Variants in PIK3C3 observed in about 807,000 individuals in gnomAD.
PIK3C3 encodes phosphatidylinositol 3-kinase catalytic subunit type 3.
PIK3C3 carries 95 observed loss-of-function variants against 126.1 expected under a neutral mutation model. The observed-to-expected ratio is 0.75, with a 90% CI of 0.64 to 0.89. The LOEUF (loss-of-function observed/expected upper bound fraction) is 0.89. Ranked by LOEUF, PIK3C3 falls within the 40% of genes least tolerant of loss-of-function variation. PIK3C3 has a pLI of 0.00. For synonymous variants in PIK3C3, 374 were observed against 360.0 expected (o/e 1.04, Z -0.44); for missense variants, 829 against 1,063.2 (o/e 0.78, Z 3.06).
intron 21 of PIK3C3, among the ~76,000 whole-genome samples, chr18:42,054,146 AT>A (rs1984937159): frequency 5.5e-5 from 1 of 18,260 alleles, no homozygotes; most frequent in Non-Finnish European, 1.1e-4. Context: ...ATATATATAT[AT>A]ATATATATAT....
At chr18:41,981,679 G>C (rs1377164915) in intron 4 of PIK3C3, among the ~76,000 whole-genome samples, 1 of 151,964 alleles carries the variant, frequency 6.6e-6, no homozygotes, top group Non-Finnish European at 1.5e-5. Context: ...GCATAGCTTG[G>C]CCGGGCCTGG....
intron 10 of PIK3C3, among the ~76,000 whole-genome samples, chr18:42,005,946 A>C (rs1270255198): frequency 6.6e-6 from 1 of 151,086 alleles, no homozygotes; most frequent in Admixed American, 6.6e-5. Flanking sequence ...ACTAGATTAC[A>C]TCCTTCTGAC....
chr18:42,073,961 G>A (rs1449968972), intron 24 of PIK3C3, among the ~76,000 whole-genome samples: 4 of 152,106 alleles, frequency 2.6e-5, no homozygotes. Flanking sequence ...TTCAGAGTAT[G>A]TATAAAAACA....
At chr18:42,006,230 G>A (rs947215079) in intron 10 of PIK3C3, among the ~76,000 whole-genome samples, 1 of 151,156 alleles carries the variant, frequency 6.6e-6, no homozygotes, top group African/African-American at 2.4e-5. Flanking sequence ...AATGACACAT[G>A]GGTTGAGGTC....
rs115049639 is a variant in PIK3C3, at chr18:41,985,552, T to C, written c.532-2260T>C. Among the ~76,000 whole-genome samples the C allele has an allele frequency of 9.0e-3, 1,373 of 152,326 alleles. 18 individuals carry two copies. Among genetic ancestry groups the C allele is most frequent in the African/African-American group, 0.032 (1,320 of 41,586 alleles). The stretch of plus-strand genomic sequence containing the variant: ...AGATTTTTCTCATTCTTTTTGATTA[T>C]AGCATTTCATAGTGTGTGTGTACTC... On this transcript the variant is annotated intron_variant, in intron 4 of 24. Coordinates refer to ENST00000262039, the MANE Select transcript of PIK3C3 (RefSeq NM_002647.4).
chr18:42,031,323 A>G (rs1983814664), intron 15 of PIK3C3, among the ~76,000 whole-genome samples: 1 of 152,156 alleles, frequency 6.6e-6, no homozygotes, highest in Admixed American at 6.5e-5. Flanking sequence ...AGAAGATGAT[A>G]ATGTTGTCTT....
At chr18:42,066,623 C>T (rs935120248) in intron 23 of PIK3C3, among the ~76,000 whole-genome samples, 4 of 152,050 alleles carry the variant, frequency 2.6e-5, no homozygotes, top group South Asian at 2.1e-4. Flanking sequence ...GCGTATCAGT[C>T]GGATGAAATG....
rs763798314 is a variant in PIK3C3 at position 42,004,591 on chromosome 18, C to G, written c.1170+50C>G. 5 of 1,397,602 alleles carry G rather than the reference C, an allele frequency of 3.6e-6. No individual in the cohort carries two copies. The Admixed American group carries it at 1.1e-4, about 32-fold the overall frequency. 86.6% of individuals were successfully genotyped at this position (1,397,602 alleles called of 1,614,324 possible). ...TTCAATGGGTCATTTTAAACTAGAG[C>G]CTAATTATAAACTATGTGTGTATGT... On this transcript the variant is annotated intron_variant, in intron 10 of 24. Transcript: ENST00000262039.
In PIK3C3 at chr18:42,086,271, C is replaced by T. The variant is rs1986396959; in HGVS notation, c.*5134C>T. On this transcript the variant is annotated 3_prime_UTR_variant, in exon 25 of 25. Transcript: ENST00000262039. ...GTTTATGTCTGTCACCACAAGAAAC[C>T]CAGACCTCCCTAATCATACCATATG... 1 of 152,184 alleles carries T rather than the reference C, an allele frequency of 6.6e-6. No individual in the cohort carries two copies. Among genetic ancestry groups the T allele is most frequent in the Admixed American group, 6.6e-5 (1 of 15,264 alleles). The allele number at this position is 152,184 out of a possible 1,614,324, so 9.4% of individuals were successfully genotyped here.
chr18:41,980,273 A>C (rs1283623215), intron 4 of PIK3C3, among the ~76,000 whole-genome samples: 2 of 152,200 alleles, frequency 1.3e-5, no homozygotes, highest in African/African-American at 4.8e-5. Flanking sequence ...TAGGTATATC[A>C]CATAAAGAAA....
chr18:42,001,432 CAGAG>C (rs1568129915), intron 9 of PIK3C3, among the ~76,000 whole-genome samples: 1 of 152,184 alleles, frequency 6.6e-6, no homozygotes, highest in African/African-American at 2.4e-5. Flanking sequence ...AAGTTACACA[CAGAG>C]AGAGAATTGC....
chr18:42,020,663 C>G lies in PIK3C3; in HGVS notation c.1442C>G (p.Ser481Trp). 6.2e-7 allele frequency: 1 copy of G among 1,604,020 alleles called. No homozygotes were observed. The highest frequency in any genetic ancestry group is 8.5e-7 in the Non-Finnish European group (1 of 1,172,292). Reference sequence around the variant, plus strand: ...CAAGATCTCTGTACCTTCTTGATATCGAGAGCCTGCAAAAACTCAACACTG... The same window carrying G: ...CAAGATCTCTGTACCTTCTTGATATGGAGAGCCTGCAAAAACTCAACACTG... ...LEQDLCTFLI[S>W]RACKNSTLAN... Residue 481 changes from serine to tryptophan, a missense_variant, in exon 13 of 25, where the codon TCG becomes TGG. Ser to Trp is a radical substitution (Grantham distance 177). Transcript: ENST00000262039.
In PIK3C3 at chr18:42,013,538, C is replaced by G. The variant is rs1982930176; in HGVS notation, c.1267C>G (p.Gln423Glu). 2 of 1,602,690 alleles carry G rather than the reference C, an allele frequency of 1.2e-6. No individual in the cohort carries two copies. The highest frequency in any genetic ancestry group is 4.5e-5 in the East Asian group (2 of 44,370). Residue 423 changes from glutamine (Q) to glutamate (E), a missense_variant, in exon 11 of 25, where the codon CAG (glutamine) becomes GAG (glutamate). By Grantham distance (29) the Gln-to-Glu change is conservative. This residue lies in a region of PIK3C3 where 256 missense variants were observed against 291.0 expected (regional missense o/e 0.88). Coordinates refer to ENST00000262039, the MANE Select transcript of PIK3C3 (RefSeq NM_002647.4). ...ATTGGAACCTACCAAGAAGGATAGT[C>G]AGAGTTCAGTGTCAGAAAATGTGTC... Reference protein sequence around the residue: ...NGLEPTKKDSQSSVSENVSNS... With the variant: ...NGLEPTKKDSESSVSENVSNS...
chr18:42,055,714 A>G (rs1985033104), intron 21 of PIK3C3, among the ~76,000 whole-genome samples: 1 of 152,138 alleles, frequency 6.6e-6, no homozygotes, highest in Non-Finnish European at 1.5e-5. Flanking sequence ...GAAGAAAGTC[A>G]AGTAGAAGGA....
At chr18:41,965,702 C>G (rs139712562) in intron 3 of PIK3C3, among the ~76,000 whole-genome samples, 191 of 152,304 alleles carry the variant, frequency 1.3e-3, no homozygotes, top group Admixed American at 1.0e-3. Context: ...CACGTGCATT[C>G]ATGCGTTCCT....
chr18:41,989,833 A>C (rs1981686807), intron 5 of PIK3C3, among the ~76,000 whole-genome samples: 1 of 152,186 alleles, frequency 6.6e-6, no homozygotes. Flanking sequence ...TTTATTTTAA[A>C]GGGGACACAA....
chr18:42,005,892 TC>T (rs1387317752), intron 10 of PIK3C3, among the ~76,000 whole-genome samples: 2 of 151,120 alleles, frequency 1.3e-5, no homozygotes, highest in Non-Finnish European at 2.9e-5. Context: ...TCTTGTTTCA[TC>T]TGTAACACTG....
chr18:42,022,229 T>C (rs1452839237), intron 13 of PIK3C3, among the ~76,000 whole-genome samples: 1 of 152,220 alleles, frequency 6.6e-6, no homozygotes, highest in Non-Finnish European at 1.5e-5. Flanking sequence ...CATGTTGGTG[T>C]GCTGCACCCG....
At chr18:41,976,077 C>T (rs951248885) in intron 4 of PIK3C3, among the ~76,000 whole-genome samples, 33 of 152,088 alleles carry the variant, frequency 2.2e-4, no homozygotes, top group Admixed American at 9.8e-4. Flanking sequence ...TTTGAATAAA[C>T]GTTGACAAAT....
Sources: gnomAD v4.1 joint callset for allele counts (sites outside exome capture counted in the v4.1 genomes callset) on GRCh38, gnomAD v4.1.1 for gene constraint, gnomAD v4.1.1 regional missense constraint, MANE v1.5 for transcripts, NCBI Gene and HGNC (gene_info 2026-07-23, HGNC 2026-07-21) for gene names.